Variants in CWF19L2 observed in about 807,000 individuals in gnomAD.
CWF19L2 encodes CWF19 like cell cycle control factor 2.
A neutral mutation model predicts 111.7 loss-of-function variants in CWF19L2; 98 were observed. The ratio of observed to expected loss-of-function variants is 0.88; its 90% CI spans 0.75 to 1.04. The LOEUF (loss-of-function observed/expected upper bound fraction) is 1.04. CWF19L2 is among the 50% of genes least tolerant of loss of function. The pLI is 0.00. For missense variants in CWF19L2, 1,101 were observed against 1,051.4 expected (o/e 1.05, Z -0.65); for synonymous variants, 351 against 342.9 (o/e 1.02, Z -0.26).
intron 3 of CWF19L2, among the ~76,000 whole-genome samples, chr11:107,453,183 G>C (rs1861802435): frequency 6.6e-6 from 1 of 152,192 alleles, no homozygotes; most frequent in African/African-American, 2.4e-5. Flanking sequence ...TTGTTCTTCA[G>C]AGAAATATCA....
At chr11:107,331,921 T>A (rs560936345) in intron 16 of CWF19L2, among the ~76,000 whole-genome samples, 3 of 152,234 alleles carry the variant, frequency 2.0e-5, no homozygotes, top group Non-Finnish European at 4.4e-5. Context: ...TCAAAGTGTA[T>A]GTACATTTAG....
In CWF19L2 at chr11:107,397,452, T is replaced by C. The variant is rs1860940763; in HGVS notation, c.1618-4557A>G. 2.0e-5 allele frequency among the ~76,000 whole-genome samples: 3 copies of C among 151,918 alleles called. No individual in the cohort carries two copies. In the South Asian group the frequency reaches 6.2e-4, roughly 32 times the overall value. On this transcript the variant is annotated intron_variant, in intron 10 of 17. Coordinates refer to ENST00000282251, the MANE Select transcript of CWF19L2 (RefSeq NM_152434.3). ...GCAGAGGCAGCCATAATCCTAATAA[T>C]AGGTAACACAACTCTAGTGACCTGG...
chr11:107,337,367 T>TTTTG (rs1859941392), intron 14 of CWF19L2, among the ~76,000 whole-genome samples: 1 of 148,218 alleles, frequency 6.7e-6, no homozygotes, highest in South Asian at 2.2e-4. Flanking sequence ...GGTGTGTGTT[T>TTTTG]TGTGTGTGTG....
chr11:107,368,236 T>C (rs1434556296), intron 12 of CWF19L2, among the ~76,000 whole-genome samples: 1 of 132,182 alleles, frequency 7.6e-6, no homozygotes, highest in Non-Finnish European at 1.6e-5. Context: ...ATAAACAAAA[T>C]CAGAAATGTA....
intron 14 of CWF19L2, among the ~76,000 whole-genome samples, chr11:107,342,735 T>C (rs943331353): frequency 2.6e-5 from 4 of 152,140 alleles, no homozygotes; most frequent in African/African-American, 7.2e-5. Flanking sequence ...TTACCATATA[T>C]GGCATAAGAG....
intron 8 of CWF19L2, among the ~76,000 whole-genome samples, chr11:107,418,820 T>G (rs754974688): frequency 3.3e-5 from 5 of 152,200 alleles, no homozygotes; most frequent in Non-Finnish European, 7.3e-5. Context: ...GCCAAACCTA[T>G]ACTATGGAAG....
At chr11:107,355,407 C>T (rs1860221515) in intron 12 of CWF19L2, among the ~76,000 whole-genome samples, 1 of 99,108 alleles carries the variant, frequency 1.0e-5, no homozygotes, top group East Asian at 2.8e-4. Flanking sequence ...AAGAGCGAAA[C>T]TCCGTCTCAA....
chr11:107,335,095 G>T, intron 15 of CWF19L2, 134 bp from the exon 16 acceptor site: 2 of 525,818 alleles, frequency 3.8e-6, no homozygotes, highest in Non-Finnish European at 6.6e-6. Flanking sequence ...AACTGATTAA[G>T]GCTTTTAGTT....
chr11:107,393,326 T>C (rs1413198455), intron 10 of CWF19L2, among the ~76,000 whole-genome samples: 1 of 152,182 alleles, frequency 6.6e-6, no homozygotes, highest in Admixed American at 6.5e-5. Context: ...ACCCGTAACT[T>C]CTATTCTTTC....
At chr11:107,415,177 C>A (rs1426987460) in intron 10 of CWF19L2, among the ~76,000 whole-genome samples, 2 of 152,136 alleles carry the variant, frequency 1.3e-5, no homozygotes. Context: ...GCTATTCTTC[C>A]TACACATCAG....
chr11:107,446,077 T>C (rs1861698269), intron 3 of CWF19L2, among the ~76,000 whole-genome samples: 1 of 152,230 alleles, frequency 6.6e-6, no homozygotes, highest in Non-Finnish European at 1.5e-5. Context: ...CCCTAGACTG[T>C]CTACCTGACT....
At chr11:107,412,487 C>T (rs1042460171) in intron 10 of CWF19L2, among the ~76,000 whole-genome samples, 2 of 152,084 alleles carry the variant, frequency 1.3e-5, no homozygotes, top group African/African-American at 4.8e-5. Context: ...ATTACAGGTG[C>T]CCACCACCAT....
At position 107,442,776 on chromosome 11, in the gene CWF19L2, AAGGAAGGAAGGAAGGAAGGGAGGG is replaced by A. The variant is rs1386282763; in HGVS notation, c.450+139_450+162del. 1.9e-3 allele frequency among the ~76,000 whole-genome samples: 90 copies of A among 48,376 alleles called. 1 individual carries two copies. The highest frequency in any genetic ancestry group is 8.1e-3 in the East Asian group (16 of 1,976). 31.7% of individuals were successfully genotyped at this position (48,376 alleles called of 152,430 possible). On this transcript the variant is annotated intron_variant, in intron 4 of 17. Coordinates refer to ENST00000282251, the MANE Select transcript of CWF19L2 (RefSeq NM_152434.3). ...GAAGGAAGGAAGGAAGGAAGGAAGGAAGGAAGGAAGGAAGGAAGGGAGGGAGGGAGGGAGGGAGGGAGGGGGAGG... is the reference window on the plus strand; with the variant it reads ...GAAGGAAGGAAGGAAGGAAGGAAGGAAGGGAGGGAGGGAGGGAGGGGGAGG...
chr11:107,434,761 G>A (rs559173868), intron 6 of CWF19L2, among the ~76,000 whole-genome samples: 2 of 151,738 alleles, frequency 1.3e-5, no homozygotes, highest in African/African-American at 4.8e-5. Flanking sequence ...GGAAACAAAG[G>A]AGGATAAACT....
At chr11:107,428,717 A>C (rs1346291176) in intron 8 of CWF19L2, 82 bp downstream of exon 8, 2 of 1,082,462 alleles carry the variant, frequency 1.8e-6, no homozygotes, top group Non-Finnish European at 2.7e-6. Context: ...AGTCACAGCT[A>C]ATAACTGATG....
intron 12 of CWF19L2, among the ~76,000 whole-genome samples, chr11:107,387,514 T>C (rs1426444800): frequency 6.8e-6 from 1 of 147,748 alleles, no homozygotes; most frequent in African/African-American, 2.5e-5. Context: ...TTAAAACAAA[T>C]ATGAAAGTTA....
intron 16 of CWF19L2, among the ~76,000 whole-genome samples, chr11:107,330,644 CCACACACACACA>C (rs56313409): frequency 0.029 from 3,500 of 121,680 alleles, 56 homozygotes; most frequent in Non-Finnish European, 0.037. Flanking sequence ...ACCCCCCCCA[CCACACACACACA>C]CACACACACA....
At chr11:107,364,594 A>C (rs1397241637) in intron 12 of CWF19L2, among the ~76,000 whole-genome samples, 34 of 137,924 alleles carry the variant, frequency 2.5e-4, no homozygotes, top group Non-Finnish European at 4.7e-4. Flanking sequence ...AACGAAATGA[A>C]AGCAGAAATA....
At chr11:107,450,591 G>A (rs183801910) in intron 3 of CWF19L2, among the ~76,000 whole-genome samples, 368 of 151,972 alleles carry the variant, frequency 2.4e-3, no homozygotes, top group Middle Eastern at 6.8e-3. Context: ...GAAATTGATA[G>A]GCGAGATAAA....
Sources: allele counts gnomAD v4.1 joint callset (sites outside exome capture counted in the v4.1 genomes callset), GRCh38; gene constraint gnomAD v4.1.1; transcripts MANE v1.5; gene names NCBI Gene and HGNC (gene_info 2026-07-23, HGNC 2026-07-21).